Variants in VPS54 observed in about 807,000 individuals in gnomAD.
The protein encoded by VPS54 is vacuolar protein sorting-associated protein 54.
A neutral mutation model predicts 121.5 loss-of-function variants in VPS54; 45 were observed. The observed-to-expected ratio is 0.37, with a 90% CI of 0.29 to 0.47. The LOEUF (loss-of-function observed/expected upper bound fraction) is 0.47. Ranked by LOEUF, VPS54 falls within the 20% of genes least tolerant of loss-of-function variation. The pLI is 0.99. For synonymous variants in VPS54, 371 were observed against 385.8 expected (o/e 0.96, Z 0.45); for missense variants, 1,090 against 1,131.4 (o/e 0.96, Z 0.52).
chr2:63,935,335 T>TGA (rs1674402348), intron 11 of VPS54, among the ~76,000 whole-genome samples: 1 of 152,188 alleles, frequency 6.6e-6, no homozygotes, highest in South Asian at 2.1e-4. Flanking sequence ...TCAAGAGCTT[T>TGA]AGGACCAAAG....
At chr2:63,988,409 T>C (rs1438196343) in intron 1 of VPS54, among the ~76,000 whole-genome samples, 5 of 152,220 alleles carry the variant, frequency 3.3e-5, no homozygotes, top group African/African-American at 1.2e-4. Flanking sequence ...CTAGTATTTT[T>C]ATTGAAGATT....
intron 15 of VPS54, among the ~76,000 whole-genome samples, chr2:63,919,396 C>T (rs1205430234): frequency 1.3e-5 from 2 of 152,086 alleles, no homozygotes; most frequent in African/African-American, 4.8e-5. Flanking sequence ...AGAAATACAG[C>T]TGTTATCTCT....
intron 4 of VPS54, 90 bp downstream of exon 4, chr2:63,972,076 A>C: frequency 1.4e-6 from 1 of 693,172 alleles, no homozygotes; most frequent in Non-Finnish European, 2.1e-6. Context: ...AAAATTATAG[A>C]TATAACAGGC....
intron 1 of VPS54, among the ~76,000 whole-genome samples, chr2:64,010,217 A>AT (rs1678367284): frequency 6.6e-6 from 1 of 152,218 alleles, no homozygotes; most frequent in South Asian, 2.1e-4. Flanking sequence ...ATAAAGTGGA[A>AT]TTTCTTTTTA....
intron 1 of VPS54, among the ~76,000 whole-genome samples, chr2:64,008,906 A>G (rs1181316180): frequency 2.0e-5 from 3 of 152,242 alleles, no homozygotes; most frequent in Non-Finnish European, 4.4e-5. Flanking sequence ...TTCATCTTCA[A>G]AATAACCTAG....
chr2:63,990,382 G>A (rs548260952), intron 1 of VPS54, among the ~76,000 whole-genome samples: 18 of 152,102 alleles, frequency 1.2e-4, no homozygotes, highest in African/African-American at 2.9e-4. Flanking sequence ...TCAAACCTCC[G>A]GAGTCACCTA....
intron 16 of VPS54, among the ~76,000 whole-genome samples, chr2:63,915,151 C>CAAAAA (rs5831674): frequency 0.021 from 506 of 23,846 alleles, 30 homozygotes; most frequent in African/African-American, 0.026. Context: ...AGCTCCGTCT[C>CAAAAA]AAAAAAAAAA....
At chr2:63,893,628 C>T (rs1672320264) in intron 22 of VPS54, 93 bp from the exon 23 acceptor site, 1 of 1,132,844 alleles carries the variant, frequency 8.8e-7, no homozygotes, top group South Asian at 1.6e-5. Context: ...GTCCTATTAT[C>T]TAAAATTCAG....
At chr2:63,999,799 C>T (rs551447100) in intron 1 of VPS54, among the ~76,000 whole-genome samples, 52 of 152,134 alleles carry the variant, frequency 3.4e-4, no homozygotes, top group Non-Finnish European at 5.7e-4. Flanking sequence ...TTTGTCTTCT[C>T]TGATTGTGTA....
intron 4 of VPS54, among the ~76,000 whole-genome samples, chr2:63,971,953 T>A (rs1319397994): frequency 6.6e-6 from 1 of 152,184 alleles, no homozygotes; most frequent in Non-Finnish European, 1.5e-5. Context: ...CACGAAGATA[T>A]CCAATCAATA....
At chr2:63,903,870 CAGCT>C (rs893964057) in intron 20 of VPS54, among the ~76,000 whole-genome samples, 4 of 151,984 alleles carry the variant, frequency 2.6e-5, no homozygotes, top group South Asian at 2.1e-4. Flanking sequence ...AAACAGAAGA[CAGCT>C]AGCAAGATGA....
rs760428684 is a variant in VPS54, at chr2:63,949,057, C to T, written c.1117G>A (p.Asp373Asn). ...HSDLNRPLEDDCQVLEEERLI... is the reference protein window; with the variant it reads ...HSDLNRPLEDNCQVLEEERLI... ...CATACCTCTTCTAAAACTTGACAGTCATCTTCCAGTGGTCTATTTAAGTCA... is the reference window on the plus strand; with the variant it reads ...CATACCTCTTCTAAAACTTGACAGTTATCTTCCAGTGGTCTATTTAAGTCA... The change falls in exon 8 of 23, where the codon GAC (aspartate) becomes AAC (asparagine). Residue 373 changes from aspartate to asparagine, a missense_variant. By Grantham distance (23) the Asp-to-Asn change is conservative (BLOSUM62 1). Transcript: ENST00000272322. The T allele has an allele frequency of 3.7e-6, 6 of 1,611,148 alleles. No individual in the cohort carries two copies. Among genetic ancestry groups the T allele is most frequent in the Non-Finnish European group, 5.1e-6 (6 of 1,179,032 alleles).
At chr2:63,899,892 G>A (rs1672604740) in intron 20 of VPS54, among the ~76,000 whole-genome samples, 1 of 152,134 alleles carries the variant, frequency 6.6e-6, no homozygotes, top group Admixed American at 6.5e-5. Flanking sequence ...TGTTGGGCAA[G>A]TTATTTAATT....
chr2:64,008,580 G>T (rs1446601979), intron 1 of VPS54, among the ~76,000 whole-genome samples: 1 of 152,144 alleles, frequency 6.6e-6, no homozygotes, highest in Non-Finnish European at 1.5e-5. Flanking sequence ...CACACCTTGA[G>T]AAAGACAGGA....
chr2:63,932,960 G>A (rs1008223900), intron 12 of VPS54, among the ~76,000 whole-genome samples: 6 of 152,016 alleles, frequency 3.9e-5, no homozygotes, highest in African/African-American at 1.4e-4. Flanking sequence ...CAGGTATCCA[G>A]GGATAATAGT....
At chr2:63,955,282 A>G (rs1368603485) in intron 7 of VPS54, among the ~76,000 whole-genome samples, 1 of 151,956 alleles carries the variant, frequency 6.6e-6, no homozygotes, top group Admixed American at 6.6e-5. Context: ...AAAAACAGTG[A>G]CAGTGTAGGA....
intron 12 of VPS54, among the ~76,000 whole-genome samples, chr2:63,931,386 C>G (rs1674193281): frequency 6.6e-6 from 1 of 152,234 alleles, no homozygotes; most frequent in African/African-American, 2.4e-5. Context: ...ACAAACCTGA[C>G]ACATACAAGC....
chr2:64,004,551 C>T (rs183812251), intron 1 of VPS54, among the ~76,000 whole-genome samples: 155 of 152,240 alleles, frequency 1.0e-3, no homozygotes, highest in African/African-American at 3.6e-3. Context: ...AGGAAATAAA[C>T]ATCATTACCT....
Position 63,962,163 on chromosome 2 carries a change from G to C in VPS54, c.905C>G (p.Thr302Arg). The change falls in exon 7 of 23, where the codon ACA becomes AGA. Residue 302 changes from threonine (T) to arginine (R), a missense_variant. Thr to Arg is a moderately conservative substitution (Grantham distance 71, BLOSUM62 -1). This residue lies in a region of VPS54 where 801 missense variants were observed against 757.0 expected (regional missense o/e 1.06). Transcript: ENST00000272322. ...AGAAGTAGATAATAACACCTGTACTGTAGGCTGAGTCTGGTGTACAGTGGC... is the reference window on the plus strand; with the variant it reads ...AGAAGTAGATAATAACACCTGTACTCTAGGCTGAGTCTGGTGTACAGTGGC... Reference protein sequence around the residue: ...LMATVHQTQPTVQVLLSTSEF... With the variant: ...LMATVHQTQPRVQVLLSTSEF... 6.2e-7 allele frequency: 1 copy of C among 1,613,882 alleles called. No individual in the cohort carries two copies. Among genetic ancestry groups the C allele is most frequent in the Non-Finnish European group, 8.5e-7 (1 of 1,179,798 alleles).
Sources: gnomAD v4.1 joint callset for allele counts (sites outside exome capture counted in the v4.1 genomes callset) on GRCh38, gnomAD v4.1.1 for gene constraint, gnomAD v4.1.1 regional missense constraint, MANE v1.5 for transcripts, NCBI Gene and HGNC (gene_info 2026-07-23, HGNC 2026-07-21) for gene names.